Variants in TM9SF4 observed in about 807,000 individuals in gnomAD.
TM9SF4 encodes transmembrane 9 superfamily member 4.
TM9SF4 carries 26 observed loss-of-function variants against 90.4 expected under a neutral mutation model. That is an observed-to-expected ratio of 0.29 (90% CI 0.21 to 0.40). The LOEUF (loss-of-function observed/expected upper bound fraction) is 0.40, where lower values mean the gene tolerates loss of function less well. Ranked by LOEUF, TM9SF4 falls within the 10% of genes least tolerant of loss-of-function variation. The pLI, the probability that TM9SF4 is intolerant of heterozygous loss-of-function variation, is 1.00. For synonymous variants in TM9SF4, 293 were observed against 315.4 expected, an observed-to-expected ratio of 0.93 and a Z score of 0.75; for missense variants, 549 against 834.8, an observed-to-expected ratio of 0.66 and a Z score of 4.22.
Position 32,146,634 on chromosome 20 carries a change from G to A in TM9SF4, c.884-151G>A, listed in dbSNP as rs530646421. The A allele has an allele frequency of 3.7e-5, 23 of 620,462 alleles. No homozygotes were observed. The East Asian group carries it at 6.0e-4, about 16-fold the overall frequency. The allele number at this position is 620,462 out of a possible 1,614,324, so 38.4% of individuals were successfully genotyped here. On this transcript the variant is annotated intron_variant, in intron 8 of 17. Transcript: ENST00000398022. ...AGCTGGAGTGGAGCTCCCCCGAGAA[G>A]AGGCCTTGAGGTGGCTGCATAGCCA...
chr20:32,137,054 T>C (rs1263027992), intron 3 of TM9SF4: 2 of 457,120 alleles, frequency 4.4e-6, no homozygotes, highest in African/African-American at 4.0e-5. Flanking sequence ...TAACCAAAAT[T>C]GGGTAGGACC....
chr20:32,117,087 G>T (rs1268975556), intron 1 of TM9SF4, among the ~76,000 whole-genome samples: 1 of 151,414 alleles, frequency 6.6e-6, no homozygotes, highest in Non-Finnish European at 1.5e-5. Context: ...TGCCGGGTCT[G>T]GTGGCAGGCA....
At chr20:32,141,067 A>G (rs2046667867) in intron 3 of TM9SF4, among the ~76,000 whole-genome samples, 1 of 151,926 alleles carries the variant, frequency 6.6e-6, no homozygotes, top group Non-Finnish European at 1.5e-5. Flanking sequence ...AATACAAAAA[A>G]TTAGCCGGGC....
chr20:32,144,511 C>T (rs1187902083), intron 6 of TM9SF4, among the ~76,000 whole-genome samples: 1 of 152,192 alleles, frequency 6.6e-6, no homozygotes, highest in Admixed American at 6.5e-5. Context: ...GGAACACTGA[C>T]TCAGGGAGGA....
chr20:32,143,530 C>T (rs199780133), intron 6 of TM9SF4, among the ~76,000 whole-genome samples: 3 of 152,126 alleles, frequency 2.0e-5, no homozygotes, highest in East Asian at 1.9e-4. Context: ...GTTCCTCTCC[C>T]GCTGTGTGAG....
chr20:32,159,969 G>A (rs1363861624), intron 15 of TM9SF4, 23 bp from the exon 16 acceptor site: 1 of 1,614,136 alleles, frequency 6.2e-7, no homozygotes, highest in Admixed American at 1.7e-5. Context: ...CAAGCCAGCT[G>A]AAGCCCCACT....
chr20:32,159,981 T>C lies in TM9SF4; in HGVS notation c.1570-11T>C. 2 of 1,614,218 alleles carry C rather than the reference T, an allele frequency of 1.2e-6. No homozygotes were observed. The highest frequency in any genetic ancestry group is 1.7e-6 in the Non-Finnish European group (2 of 1,180,022). On this transcript the variant is annotated splice_polypyrimidine_tract_variant and intron_variant, in intron 15 of 17. Coordinates refer to ENST00000398022, the MANE Select transcript of TM9SF4 (RefSeq NM_014742.4). ...GGTCAAGCCAGCTGAAGCCCCACTG[T>C]GTGTCCACAGGCTATCTGGGAGAAT...
At chr20:32,110,085 G>A (rs2046118525) in intron 1 of TM9SF4, 1 of 1,218,736 alleles carries the variant, frequency 8.2e-7, no homozygotes, top group Non-Finnish European at 1.0e-6. Context: ...TGACCCCTCT[G>A]AAGACCCCCT....
rs1320330594 is a variant in TM9SF4 at position 32,166,294 on chromosome 20, C to T, written c.*850C>T. 1 of 152,978 alleles carries T rather than the reference C, an allele frequency of 6.5e-6. No homozygotes were observed. Among genetic ancestry groups the T allele is most frequent in the East Asian group, 1.9e-4 (1 of 5,188 alleles). 9.5% of individuals were successfully genotyped at this position (152,978 alleles called of 1,614,324 possible). A position where few individuals can be genotyped will look rare whatever the true frequency, so the allele number is the denominator to read the frequency against. On this transcript the variant is annotated 3_prime_UTR_variant, in exon 18 of 18. Coordinates refer to ENST00000398022, the MANE Select transcript of TM9SF4 (RefSeq NM_014742.4). ...TTTCCCAAGCCAAGCATCCACTTGT[C>T]TGTGTCTGGGAAGGGATGGCCAAGG...
chr20:32,143,957 T>C (rs1028644389), intron 6 of TM9SF4, among the ~76,000 whole-genome samples: 6 of 151,608 alleles, frequency 4.0e-5, no homozygotes, highest in Non-Finnish European at 5.9e-5. Context: ...TCTTTTTTTT[T>C]CCCCCCAAGA....
chr20:32,157,744 C>T, intron 13 of TM9SF4, 50 bp from the exon 14 acceptor site: 4 of 1,601,870 alleles, frequency 2.5e-6, no homozygotes, highest in Non-Finnish European at 3.4e-6. Context: ...GCGCAGCCCC[C>T]ATCCCGGGCA....
chr20:32,122,411 G>A (rs1044907526), intron 1 of TM9SF4, among the ~76,000 whole-genome samples: 1 of 151,156 alleles, frequency 6.6e-6, no homozygotes, highest in African/African-American at 2.4e-5. Flanking sequence ...TTCTCAGACG[G>A]GGGTGCTGCC....
intron 1 of TM9SF4, among the ~76,000 whole-genome samples, chr20:32,126,556 C>A (rs2046425409): frequency 6.6e-6 from 1 of 152,154 alleles, no homozygotes; most frequent in African/African-American, 2.4e-5. Flanking sequence ...TACTCCCCAA[C>A]ATATTGTTCT....
At chr20:32,133,846 G>T (rs2122377759) in intron 2 of TM9SF4, among the ~76,000 whole-genome samples, 1 of 152,294 alleles carries the variant, frequency 6.6e-6, no homozygotes, top group African/African-American at 2.4e-5. Flanking sequence ...TTTCTCTGTT[G>T]CCTAAGCTGG....
Position 32,142,021 on chromosome 20 carries a change from C to T in TM9SF4, c.528+126C>T, listed in dbSNP as rs561810028. 59 of 1,480,824 alleles carry T rather than the reference C, an allele frequency of 4.0e-5. 1 individual carries two copies. In the South Asian group the frequency reaches 7.4e-4, roughly 18 times the overall value. 91.7% of individuals were successfully genotyped at this position (1,480,824 alleles called of 1,614,324 possible). A position where few individuals can be genotyped will look rare whatever the true frequency, so the allele number is the denominator to read the frequency against. ...CTCCAGGTGCCCTGGGCATGATGGT[C>T]TGTCAGAGGTCCGAGTGCTCCGGGC... On this transcript the variant is annotated intron_variant, in intron 5 of 17. Coordinates refer to ENST00000398022, the MANE Select transcript of TM9SF4 (RefSeq NM_014742.4).
At chr20:32,120,357 T>C (rs909797713) in intron 1 of TM9SF4, among the ~76,000 whole-genome samples, 8 of 151,554 alleles carry the variant, frequency 5.3e-5, no homozygotes, top group Non-Finnish European at 1.0e-4. Flanking sequence ...AAAATATATA[T>C]TCCTAAATAT....
intron 1 of TM9SF4, among the ~76,000 whole-genome samples, chr20:32,122,826 G>A (rs1267961442): frequency 6.6e-6 from 1 of 152,062 alleles, no homozygotes; most frequent in African/African-American, 2.4e-5. Context: ...GCGGCTGGGA[G>A]GTGGAGGTTG....
rs117900722 is a variant in TM9SF4, at chr20:32,149,626, C to T, written c.955-8C>T. 91 of 1,614,172 alleles carry T rather than the reference C, an allele frequency of 5.6e-5. No individual in the cohort carries two copies. In the African/African-American group the frequency reaches 7.1e-4, roughly 13 times the overall value. ...AACAACCAGCCTCACTCTGGCCCTT[C>T]GCTGCAGGAAGACACCATGGAGGAG... On this transcript the variant is annotated splice_polypyrimidine_tract_variant and splice_region_variant and intron_variant, in intron 9 of 17. Coordinates refer to ENST00000398022, the MANE Select transcript of TM9SF4 (RefSeq NM_014742.4).
intron 6 of TM9SF4, among the ~76,000 whole-genome samples, chr20:32,144,624 T>C (rs1460853011): frequency 6.6e-6 from 1 of 152,218 alleles, no homozygotes; most frequent in Non-Finnish European, 1.5e-5. Context: ...CAAAAACCAT[T>C]GTTGGCCAGG....
Sources: gnomAD v4.1 joint callset for allele counts (sites outside exome capture counted in the v4.1 genomes callset) on GRCh38, gnomAD v4.1.1 for gene constraint, MANE v1.5 for transcripts, NCBI Gene and HGNC (gene_info 2026-07-23, HGNC 2026-07-21) for gene names.